Variants in XPNPEP3 observed in about 807,000 individuals in gnomAD.
XPNPEP3 encodes the protein xaa-Pro aminopeptidase 3.
A neutral mutation model predicts 60.0 loss-of-function variants in XPNPEP3; 41 were observed. That is an observed-to-expected ratio of 0.68 (90% CI 0.53 to 0.89). The LOEUF (loss-of-function observed/expected upper bound fraction) is 0.89. Ranked by LOEUF, XPNPEP3 falls within the 40% of genes least tolerant of loss-of-function variation. The pLI is 0.00. For synonymous variants in XPNPEP3, 212 were observed against 223.2 expected (o/e 0.95, Z 0.45); for missense variants, 598 against 638.9 (o/e 0.94, Z 0.69).
At chr22:40,861,963 T>C (rs1188953302) in intron 1 of XPNPEP3, 1 of 1,608,898 alleles carries the variant, frequency 6.2e-7, no homozygotes, top group Non-Finnish European at 8.5e-7. Context: ...AGCATATCTT[T>C]GCAGTCCTAG....
intron 4 of XPNPEP3, among the ~76,000 whole-genome samples, chr22:40,901,310 C>G (rs570513039): frequency 1.1e-3 from 164 of 143,622 alleles, no homozygotes; most frequent in Non-Finnish European, 1.9e-3. Context: ...TCTCTGCTCA[C>G]CGCAACCTCC....
At chr22:40,885,500 A>C (rs1396174064) in intron 3 of XPNPEP3, among the ~76,000 whole-genome samples, 1 of 152,218 alleles carries the variant, frequency 6.6e-6, no homozygotes, top group Non-Finnish European at 1.5e-5. Context: ...TAGTTTTTCC[A>C]TAGCAATGAA....
At chr22:40,893,816 A>G (rs2058097756) in intron 4 of XPNPEP3, among the ~76,000 whole-genome samples, 1 of 152,054 alleles carries the variant, frequency 6.6e-6, no homozygotes, top group Non-Finnish European at 1.5e-5. Context: ...AGGTTTCTCC[A>G]TATTGGTCAG....
chr22:40,858,915 A>G (rs1285434435), intron 1 of XPNPEP3, among the ~76,000 whole-genome samples: 1 of 152,202 alleles, frequency 6.6e-6, no homozygotes, highest in East Asian at 1.9e-4. Flanking sequence ...CTTTTGGGGA[A>G]TGCTGCCTTT....
chr22:40,862,301 G>A (rs2057955060), intron 1 of XPNPEP3: 2 of 1,055,852 alleles, frequency 1.9e-6, no homozygotes, highest in African/African-American at 1.7e-5. Context: ...TGTTTCCCCT[G>A]TATGTTTCCC....
At chr22:40,882,745 A>G (rs1221745956) in intron 3 of XPNPEP3, among the ~76,000 whole-genome samples, 5 of 152,160 alleles carry the variant, frequency 3.3e-5, no homozygotes, top group Non-Finnish European at 4.4e-5. Context: ...CTCCATCTCA[A>G]AAAAAATAAT....
rs545570385 is a variant in XPNPEP3 at position 40,931,760 on chromosome 22, A to G, written c.*5325A>G. 13 of 152,262 alleles carry G rather than the reference A, an allele frequency of 8.5e-5. No individual in the cohort carries two copies. The highest frequency in any genetic ancestry group is 2.1e-4 in the South Asian group (1 of 4,822). The allele number at this position is 152,262 out of a possible 1,614,324, so 9.4% of individuals were successfully genotyped here. On this transcript the variant is annotated 3_prime_UTR_variant, in exon 10 of 10. Coordinates refer to ENST00000357137, the MANE Select transcript of XPNPEP3 (RefSeq NM_022098.4). ...TGAGAACTCTCCTCCTCTCATAATC[A>G]TAGTATCCACGTTAGGAAAATGCTT...
In XPNPEP3 at chr22:40,907,619, C is replaced by A. The variant is rs573534001; in HGVS notation, c.825C>A (p.Ala275=). 6.8e-6 allele frequency: 11 copies of A among 1,614,006 alleles called. No homozygotes were observed. In the East Asian group the frequency reaches 1.8e-4, roughly 26 times the overall value. ...TAGAAACCATGTTCACCAGTAAAGC[C>A]CCTGTGGAAGAAGCCTTTCTTTATG... is the stretch of plus-strand genomic sequence containing the variant. ...AFIETMFTSK[A]PVEEAFLYAK... The change falls in exon 5 of 10, where the codon GCC becomes GCA. Residue 275 remains alanine (A), a synonymous_variant. Transcript: ENST00000357137.
chr22:40,885,583 T>C (rs931927101), intron 3 of XPNPEP3, among the ~76,000 whole-genome samples: 17 of 152,224 alleles, frequency 1.1e-4, no homozygotes, highest in Non-Finnish European at 2.4e-4. Context: ...TGGGACACTT[T>C]ACCCATAAAG....
At chr22:40,909,101 C>T in intron 5 of XPNPEP3, 21 bp from the exon 6 acceptor site, 1 of 1,610,736 alleles carries the variant, frequency 6.2e-7, no homozygotes, top group South Asian at 1.1e-5. Context: ...CTTTGTCATA[C>T]CTTGCTGTTG....
In XPNPEP3 at chr22:40,886,447, C is replaced by T. The variant is rs1394908919; in HGVS notation, c.724C>T (p.Arg242Cys). The change falls in exon 4 of 10, where the codon CGC becomes TGC. Residue 242 changes from arginine (R) to cysteine (C), a missense_variant. Arg to Cys is a radical substitution (Grantham distance 180). Transcript: ENST00000357137. ...TCGGGGTGTTCAGCAGCTGATACAG[C>T]GCCTCCGGCTGATCAAGTCTCCTGC... ...KVRGVQQLIQ[R>C]LRLIKSPAEI... 23 of 1,614,002 alleles carry T rather than the reference C, an allele frequency of 1.4e-5. No homozygotes were observed. The East Asian group carries it at 2.9e-4, about 20-fold the overall frequency.
At chr22:40,909,830 C>A (rs1217504089) in intron 6 of XPNPEP3, among the ~76,000 whole-genome samples, 1 of 151,000 alleles carries the variant, frequency 6.6e-6, no homozygotes, top group East Asian at 1.9e-4. Flanking sequence ...AAACCTAAAA[C>A]AACATATTAG....
intron 7 of XPNPEP3, among the ~76,000 whole-genome samples, chr22:40,918,008 C>T (rs5758128): frequency 0.44 from 53,105 of 120,220 alleles, 11,425 homozygotes; most frequent in East Asian, 0.75. Context: ...GAGACTCTGT[C>T]TAAAAAAAAA....
chr22:40,905,562 A>C (rs2058151553), intron 4 of XPNPEP3, among the ~76,000 whole-genome samples: 1 of 152,156 alleles, frequency 6.6e-6, no homozygotes, highest in African/African-American at 2.4e-5. Context: ...AGTCATCTGG[A>C]ATTAAATGCT....
chr22:40,900,420 CAT>C (rs1170494028), intron 4 of XPNPEP3, among the ~76,000 whole-genome samples: 1 of 151,576 alleles, frequency 6.6e-6, no homozygotes, highest in Non-Finnish European at 1.5e-5. Flanking sequence ...GCCTGGCCAA[CAT>C]AGTGAAACCC....
Position 40,857,228 on chromosome 22 carries a change from A to G in XPNPEP3, c.47A>G (p.Asn16Ser). ...CCCAAGCTGGTTCCCGCTGTAGCAA[A>G]CGTCCGCGGCCTCTCAGGTTAGACT... is the stretch of plus-strand genomic sequence containing the variant. ...SAPKLVPAVANVRGLSGCMLC... is the reference protein window; with the variant it reads ...SAPKLVPAVASVRGLSGCMLC... The change falls in exon 1 of 10, where the codon AAC (asparagine) becomes AGC (serine). Residue 16 changes from asparagine to serine, a missense_variant. By Grantham distance (46) the Asn-to-Ser change is conservative (BLOSUM62 1). Transcript: ENST00000357137. 6.2e-7 allele frequency: 1 copy of G among 1,614,188 alleles called. No individual in the cohort carries two copies. Among genetic ancestry groups the G allele is most frequent in the Non-Finnish European group, 8.5e-7 (1 of 1,180,030 alleles).
intron 2 of XPNPEP3, among the ~76,000 whole-genome samples, chr22:40,870,640 A>G (rs1257322370): frequency 6.6e-6 from 1 of 152,170 alleles, no homozygotes; most frequent in African/African-American, 2.4e-5. Context: ...AAAAGAATTA[A>G]TCATTTGTGT....
intron 8 of XPNPEP3, among the ~76,000 whole-genome samples, chr22:40,922,959 A>C (rs777294410): frequency 6.6e-6 from 1 of 152,192 alleles, no homozygotes; most frequent in Non-Finnish European, 1.5e-5. Context: ...AGTATTCAGA[A>C]AACTTAAAAT....
chr22:40,861,622 T>C, intron 1 of XPNPEP3: 1 of 1,613,640 alleles, frequency 6.2e-7, no homozygotes. Context: ...CCATAGGAGC[T>C]TCCTGGACGA....
Sources: allele counts gnomAD v4.1 joint callset (sites outside exome capture counted in the v4.1 genomes callset), GRCh38; gene constraint gnomAD v4.1.1; transcripts MANE v1.5; gene names NCBI Gene and HGNC (gene_info 2026-07-23, HGNC 2026-07-21).